ATAD2B: variants seen among roughly 807,000 people sequenced by gnomAD.
ATAD2B encodes ATPase family AAA domain-containing protein 2B.
A neutral mutation model predicts 167.6 loss-of-function variants in ATAD2B; 40 were observed. That is an observed-to-expected ratio of 0.24 (90% CI 0.19 to 0.31). The LOEUF is 0.31. Ranked by LOEUF, ATAD2B falls within the 10% of genes least tolerant of loss-of-function variation. ATAD2B has a pLI of 1.00. For synonymous variants in ATAD2B, 579 were observed against 596.5 expected (o/e 0.97, Z 0.43); for missense variants, 1,242 against 1,757.2 (o/e 0.71, Z 5.24).
At chr2:23,854,516 A>G (rs1315383408) in intron 13 of ATAD2B, among the ~76,000 whole-genome samples, 1 of 151,896 alleles carries the variant, frequency 6.6e-6, no homozygotes, top group African/African-American at 2.4e-5. Flanking sequence ...CACCTCTACT[A>G]AAAATACAAA....
chr2:23,844,319 A>C (rs955538293), intron 13 of ATAD2B, among the ~76,000 whole-genome samples: 4 of 152,048 alleles, frequency 2.6e-5, no homozygotes, highest in Non-Finnish European at 5.9e-5. Context: ...AAAAAAAAAA[A>C]CACACAACAA....
intron 23 of ATAD2B, among the ~76,000 whole-genome samples, chr2:23,763,829 C>A (rs1174426013): frequency 1.3e-5 from 2 of 152,146 alleles, no homozygotes; most frequent in African/African-American, 2.4e-5. Flanking sequence ...TGGGCTCAAG[C>A]GATCCTCCAA....
At chr2:23,708,345 T>C in the ATAD2B span, 1 of 152,234 alleles carries the variant, frequency 6.6e-6, no homozygotes, top group Non-Finnish European at 1.5e-5. Flanking sequence ...ACCCAAGGAC[T>C]GGAGCACAAA....
intron 13 of ATAD2B, among the ~76,000 whole-genome samples, chr2:23,851,562 C>G (rs1159913778): frequency 6.6e-6 from 1 of 152,154 alleles, no homozygotes; most frequent in Non-Finnish European, 1.5e-5. Flanking sequence ...TACCCATGCC[C>G]CAACAGAGTG....
chr2:23,728,941 G>A, the ATAD2B span, among the ~76,000 whole-genome samples: 1 of 152,156 alleles, frequency 6.6e-6, no homozygotes, highest in Non-Finnish European at 1.5e-5. Context: ...CATGGCTGGG[G>A]AGGCCTCAGG....
intron 19 of ATAD2B, among the ~76,000 whole-genome samples, chr2:23,795,214 T>A (rs189535604): frequency 9.2e-5 from 14 of 152,352 alleles, no homozygotes; most frequent in African/African-American, 3.4e-4. Context: ...ATAATTACTA[T>A]TAACATTTCT....
chr2:23,805,966 C>G (rs938991306), intron 18 of ATAD2B, among the ~76,000 whole-genome samples: 2 of 151,852 alleles, frequency 1.3e-5, no homozygotes, highest in Non-Finnish European at 2.9e-5. Context: ...AGGTATTTGC[C>G]CATATTTAGA....
the ATAD2B span, among the ~76,000 whole-genome samples, chr2:23,681,968 C>G: frequency 1.3e-5 from 2 of 152,134 alleles, no homozygotes; most frequent in Admixed American, 6.5e-5. This position sits in a 1 kb window ranked among gnomAD's most constrained non-coding sequence, Gnocchi z 4.2. Flanking sequence ...TACCTTGTCT[C>G]TAGCCCAGGC....
At chr2:23,804,572 A>C (rs78209320) in intron 18 of ATAD2B, among the ~76,000 whole-genome samples, 1 of 152,074 alleles carries the variant, frequency 6.6e-6, no homozygotes, top group African/African-American at 2.4e-5. Flanking sequence ...CACCAAAACA[A>C]AAAAGTAGTA....
intron 1 of ATAD2B, among the ~76,000 whole-genome samples, chr2:23,907,362 T>G (rs1421973974): frequency 6.6e-6 from 1 of 151,816 alleles, no homozygotes; most frequent in Admixed American, 6.6e-5. Flanking sequence ...TGAACTCCCA[T>G]TCACAATTGC....
chr2:23,911,082 G>A (rs1197044590), intron 1 of ATAD2B, among the ~76,000 whole-genome samples: 7 of 151,360 alleles, frequency 4.6e-5, no homozygotes, highest in South Asian at 2.1e-4. Flanking sequence ...CTAGCTGGTC[G>A]TAGTGGCGCA....
At chr2:23,799,242 C>CATTTCAATTATT (rs1275214227) in intron 18 of ATAD2B, among the ~76,000 whole-genome samples, 4 of 152,100 alleles carry the variant, frequency 2.6e-5, no homozygotes, top group Non-Finnish European at 5.9e-5. Flanking sequence ...TTATTTTTAA[C>CATTTCAATTATT]ACATTTCAAT....
At chr2:23,708,455 A>T in the ATAD2B span, 9 of 152,196 alleles carry the variant, frequency 5.9e-5, no homozygotes, top group Non-Finnish European at 1.2e-4. Context: ...ATGACATTGA[A>T]ATTCGTTTCT....
chr2:23,777,768 A>G (rs1679389659), intron 22 of ATAD2B, among the ~76,000 whole-genome samples: 1 of 152,180 alleles, frequency 6.6e-6, no homozygotes, highest in African/African-American at 2.4e-5. Context: ...CAAACATAAT[A>G]TATCATGTAT....
chr2:23,821,178 A>G (rs1203559005), intron 16 of ATAD2B, among the ~76,000 whole-genome samples: 2 of 152,178 alleles, frequency 1.3e-5, no homozygotes, highest in Admixed American at 1.3e-4. Context: ...AGTTCTACCA[A>G]CTGGAACTAA....
the ATAD2B span, chr2:23,703,528 C>A: frequency 9.3e-7 from 1 of 1,070,306 alleles, no homozygotes; most frequent in Non-Finnish European, 1.3e-6. Flanking sequence ...GAGCCCCCAG[C>A]TCAGGTGTCT....
At chr2:23,792,467 T>TAAAA (rs201253813) in intron 19 of ATAD2B, among the ~76,000 whole-genome samples, 1 of 120,924 alleles carries the variant, frequency 8.3e-6, no homozygotes, top group African/African-American at 3.1e-5. Flanking sequence ...ACTTAAGATC[T>TAAAA]AAAAAAAAAA....
the ATAD2B span, among the ~76,000 whole-genome samples, chr2:23,692,170 T>G: frequency 6.6e-6 from 1 of 152,274 alleles, no homozygotes; most frequent in Non-Finnish European, 1.5e-5. Context: ...GGGCTGTGCA[T>G]GTGCTCTGTT....
intron 22 of ATAD2B, 137 bp from the exon 23 acceptor site, chr2:23,765,765 G>C (rs578175449): frequency 2.0e-6 from 1 of 504,466 alleles, no homozygotes; most frequent in Non-Finnish European, 3.2e-6. Flanking sequence ...TTAAAGTATG[G>C]GTAAAAAAAT....
Sources: allele counts gnomAD v4.1 joint callset (sites outside exome capture counted in the v4.1 genomes callset), GRCh38; gene constraint gnomAD v4.1.1; non-coding constraint Gnocchi (gnomAD v3.1); transcripts MANE v1.5; gene names NCBI Gene and HGNC (gene_info 2026-07-23, HGNC 2026-07-21).